The following LOC122539214 variants were observed in gnomAD, a reference collection of about 807,000 sequenced individuals.
chr19:52,680,544 G>C, the LOC122539214 span, among the ~76,000 whole-genome samples: 1 of 150,348 alleles, frequency 6.7e-6, no homozygotes, highest in Non-Finnish European at 1.5e-5. Context: ...ACAAACCCAC[G>C]TTAAGGTATT....
the LOC122539214 span, among the ~76,000 whole-genome samples, chr19:52,672,662 C>T: frequency 1.3e-5 from 2 of 152,158 alleles, no homozygotes; most frequent in East Asian, 1.9e-4. Flanking sequence ...TGCAATGGCA[C>T]GGTCTCGGCT....
At chr19:52,655,935 G>T in the LOC122539214 span, among the ~76,000 whole-genome samples, 1 of 152,068 alleles carries the variant, frequency 6.6e-6, no homozygotes, top group African/African-American at 2.4e-5. Flanking sequence ...ATATGTCTGG[G>T]CACGGTGGCT....
At chr19:52,666,245 GA>G in the LOC122539214 span, among the ~76,000 whole-genome samples, 2 of 151,770 alleles carry the variant, frequency 1.3e-5, no homozygotes, top group Non-Finnish European at 2.9e-5. Context: ...GTCAAAGAGA[GA>G]GGGAGAAAGA....
At chr19:52,656,889 A>G in the LOC122539214 span, among the ~76,000 whole-genome samples, 2 of 151,002 alleles carry the variant, frequency 1.3e-5, no homozygotes, top group African/African-American at 4.9e-5. Context: ...AAAAAAAATC[A>G]TGGGCTTCTC....
chr19:52,677,237 G>A, the LOC122539214 span, among the ~76,000 whole-genome samples: 2 of 150,612 alleles, frequency 1.3e-5, no homozygotes, highest in Non-Finnish European at 3.0e-5. Flanking sequence ...CAAAGCATGA[G>A]TGAGACTGGG....
At chr19:52,684,239 A>T in the LOC122539214 span, among the ~76,000 whole-genome samples, 2 of 152,194 alleles carry the variant, frequency 1.3e-5, no homozygotes, top group South Asian at 4.2e-4. Context: ...CTTGGTGGGC[A>T]TCTGTAATCC....
chr19:52,681,078 A>G, the LOC122539214 span, among the ~76,000 whole-genome samples: 1 of 151,752 alleles, frequency 6.6e-6, no homozygotes, highest in Non-Finnish European at 1.5e-5. Context: ...TGAGGTCAAG[A>G]GTTGGAAACC....
chr19:52,655,535 C>T, the LOC122539214 span: 2 of 1,463,904 alleles, frequency 1.4e-6, no homozygotes, highest in African/African-American at 2.8e-5. Context: ...GCAGATTCCT[C>T]ACATCAGGAG....
At chr19:52,666,369 TCTCCATGACCCTATAACA>T in the LOC122539214 span, among the ~76,000 whole-genome samples, 1 of 151,964 alleles carries the variant, frequency 6.6e-6, no homozygotes, top group African/African-American at 2.4e-5. Flanking sequence ...TTGAAGGTCT[TCTCCATGACCCTATAACA>T]CTCCAATACC....
the LOC122539214 span, among the ~76,000 whole-genome samples, chr19:52,681,280 CAAAAA>C: frequency 1.1e-4 from 8 of 75,426 alleles, no homozygotes; most frequent in South Asian, 6.4e-4. Flanking sequence ...GAGACTTTCT[CAAAAA>C]AAAAAAAAAA....
At chr19:52,655,725 G>A in the LOC122539214 span, 4 of 826,844 alleles carry the variant, frequency 4.8e-6, no homozygotes, top group East Asian at 9.9e-5. Context: ...ACATTAGGGA[G>A]GAGTCATTAC....
the LOC122539214 span, among the ~76,000 whole-genome samples, chr19:52,664,628 C>A: frequency 1.3e-5 from 2 of 152,056 alleles, no homozygotes; most frequent in Non-Finnish European, 2.9e-5. Flanking sequence ...AGGACAAAAG[C>A]CAGGACTGGG....
At chr19:52,663,288 C>T in the LOC122539214 span, among the ~76,000 whole-genome samples, 1 of 152,252 alleles carries the variant, frequency 6.6e-6, no homozygotes, top group South Asian at 2.1e-4. Context: ...AGAAAAATGA[C>T]AGTAATACGT....
At chr19:52,653,333 GA>G in the LOC122539214 span, 28 of 1,265,388 alleles carry the variant, frequency 2.2e-5, no homozygotes, top group Admixed American at 4.4e-4. Flanking sequence ...TCTCCAGTAT[GA>G]ACTCTCTGAT....
the LOC122539214 span, among the ~76,000 whole-genome samples, chr19:52,665,804 T>G: frequency 6.6e-6 from 1 of 152,136 alleles, no homozygotes; most frequent in Non-Finnish European, 1.5e-5. Context: ...AACCCCTTCC[T>G]GTCCCTTGCC....
the LOC122539214 span, among the ~76,000 whole-genome samples, chr19:52,672,670 G>C: frequency 6.6e-6 from 1 of 152,158 alleles, no homozygotes; most frequent in African/African-American, 2.4e-5. Flanking sequence ...CACGGTCTCG[G>C]CTCACTGCAA....
chr19:52,687,657 AATG>A, the LOC122539214 span, among the ~76,000 whole-genome samples: 530 of 14,610 alleles, frequency 0.036, 55 homozygotes, highest in African/African-American at 0.19. Flanking sequence ...ATATATATAT[AATG>A]TATATATATA....
the LOC122539214 span, among the ~76,000 whole-genome samples, chr19:52,676,104 C>T: frequency 2.3e-4 from 35 of 152,160 alleles, no homozygotes; most frequent in African/African-American, 8.2e-4. Context: ...CCTCAGCCTG[C>T]TGAGTGCCTG....
chr19:52,673,853 A>G, the LOC122539214 span, among the ~76,000 whole-genome samples: 1 of 151,574 alleles, frequency 6.6e-6, no homozygotes, highest in Non-Finnish European at 1.5e-5. Flanking sequence ...TATCTCTACT[A>G]AAAATACAAA....
Sources: gnomAD v4.1 joint callset for allele counts (sites outside exome capture counted in the v4.1 genomes callset) on GRCh38, gnomAD v4.1.1 for gene constraint, MANE v1.5 for transcripts.